The following DDX23 variants were observed in gnomAD, a reference collection of about 807,000 sequenced individuals.
The protein encoded by DDX23 is probable ATP-dependent RNA helicase DDX23.
In DDX23, 33 loss-of-function variants were observed where a neutral mutation model predicts 102.7. That is an observed-to-expected ratio of 0.32 (90% CI 0.24 to 0.43). The LOEUF (loss-of-function observed/expected upper bound fraction) is 0.43, where lower values mean the gene tolerates loss of function less well. DDX23 is among the 20% of genes least tolerant of loss of function. The pLI, the probability that DDX23 is intolerant of heterozygous loss-of-function variation, is 1.00. For synonymous variants in DDX23, 352 were observed against 376.0 expected (o/e 0.94, Z 0.74); for missense variants, 549 against 1,086.6 (o/e 0.51, Z 6.96).
intron 3 of DDX23, among the ~76,000 whole-genome samples, chr12:48,841,386 CAAAA>C (rs1263386759): frequency 2.0e-5 from 3 of 152,074 alleles, no homozygotes; most frequent in Non-Finnish European, 2.9e-5. Context: ...AACTCCATCT[CAAAA>C]AAACCCCCAA....
rs576542727 is a variant in DDX23, at chr12:48,833,442, C to A, written c.1638G>T (p.Val546=). 2 of 1,614,214 alleles carry A rather than the reference C, an allele frequency of 1.2e-6. No individual in the cohort carries two copies. Among genetic ancestry groups the A allele is most frequent in the Admixed American group, 3.3e-5 (2 of 60,014 alleles). The change falls in exon 13 of 17, where the codon GTG becomes GTT. Residue 546 remains valine (V), a synonymous_variant. Coordinates refer to ENST00000308025, the MANE Select transcript of DDX23 (RefSeq NM_004818.3). ...RYLVLSRCTY[V]VLDEADRMID... is the part of the protein sequence containing the mutation. ...TCATCCTATCTGCCTCATCCAGAACCACATAGGTACAGCGGCTCAGCACCA... is the reference window on the plus strand; with the variant it reads ...TCATCCTATCTGCCTCATCCAGAACAACATAGGTACAGCGGCTCAGCACCA...
At chr12:48,847,828 A>G (rs1238668645) in intron 1 of DDX23, among the ~76,000 whole-genome samples, 1 of 152,130 alleles carries the variant, frequency 6.6e-6, no homozygotes, top group Non-Finnish European at 1.5e-5. Flanking sequence ...ACCAAAAAAT[A>G]AAAAATAAAA....
At position 48,833,324 on chromosome 12, in the gene DDX23, C is replaced by T. The variant is rs779787691; in HGVS notation, c.1756G>A (p.Glu586Lys). 3 of 1,614,184 alleles carry T rather than the reference C, an allele frequency of 1.9e-6. No homozygotes were observed. Among genetic ancestry groups the T allele is most frequent in the Non-Finnish European group, 1.7e-6 (2 of 1,180,036 alleles). ...KPDTDEAEDP[E>K]KMLANFESGK... ...GACTCAAAGTTGGCCAGCATCTTCT[C>T]AGGGTCCTCAGCCTCATCCGTGTCT... Residue 586 changes from glutamate to lysine, a missense_variant, in exon 13 of 17, where the codon GAG becomes AAG. Glu to Lys is a moderately conservative substitution (Grantham distance 56). Coordinates refer to ENST00000308025, the MANE Select transcript of DDX23 (RefSeq NM_004818.3).
chr12:48,834,486 G>A lies in DDX23; in HGVS notation c.1394C>T (p.Ser465Leu). ...TLPKIDRIEE[S>L]DQGPYAIILA... is the part of the protein sequence containing the mutation. ...GATGATGGCATAAGGGCCTTGGTCT[G>A]ACTCTTCGATCCTGTGGTAAACAGG... is the stretch of plus-strand genomic sequence containing the variant. Residue 465 changes from serine (S) to leucine (L), a missense_variant, in exon 12 of 17, where the codon TCA becomes TTA. By Grantham distance (145) the Ser-to-Leu change is moderately radical. Around this residue, in one of 4 missense-constraint regions of DDX23, gnomAD observed 270 missense variants for 707.0 expected, o/e 0.38. Transcript: ENST00000308025. 2 of 1,613,612 alleles carry A rather than the reference G, an allele frequency of 1.2e-6. No homozygotes were observed. The highest frequency in any genetic ancestry group is 1.7e-6 in the Non-Finnish European group (2 of 1,179,796).
chr12:48,836,814 G>T lies in DDX23; in HGVS notation c.1011-20C>A. 1 of 1,613,358 alleles carries T rather than the reference G, an allele frequency of 6.2e-7. No homozygotes were observed. Among genetic ancestry groups the T allele is most frequent in the Non-Finnish European group, 8.5e-7 (1 of 1,179,356 alleles). Reference sequence around the variant, plus strand: ...CTTGCCCTGGAGCAGGGTGTGAGGAGTAAGTAGAATCAGTGCCCTCCAACT... The same window carrying T: ...CTTGCCCTGGAGCAGGGTGTGAGGATTAAGTAGAATCAGTGCCCTCCAACT... On this transcript the variant is annotated intron_variant, in intron 9 of 16. Coordinates refer to ENST00000308025, the MANE Select transcript of DDX23 (RefSeq NM_004818.3). The surrounding 1 kb of genome is among the most constrained non-coding windows in gnomAD (Gnocchi z 6.1).
At chr12:48,833,190 G>A (rs1938417338) in intron 13 of DDX23, 87 bp downstream of exon 13, 2 of 1,571,226 alleles carry the variant, frequency 1.3e-6, no homozygotes, top group African/African-American at 2.7e-5. Context: ...TCGCCATGTT[G>A]CCCAGGCTGG....
chr12:48,849,634 G>A (rs1316953236), intron 1 of DDX23, among the ~76,000 whole-genome samples: 1 of 151,372 alleles, frequency 6.6e-6, no homozygotes, highest in Non-Finnish European at 1.5e-5. Flanking sequence ...ACTAGCCTGG[G>A]TGACAGAGCA....
At chr12:48,847,979 A>G (rs919454604) in intron 1 of DDX23, among the ~76,000 whole-genome samples, 1 of 152,168 alleles carries the variant, frequency 6.6e-6, no homozygotes, top group Admixed American at 6.5e-5. Flanking sequence ...AACGGAGACA[A>G]AGCAGTAAAG....
At chr12:48,838,227 T>C (rs1028071970) in intron 5 of DDX23, 147 bp from the exon 6 acceptor site, 14 of 1,165,808 alleles carry the variant, frequency 1.2e-5, no homozygotes, top group Middle Eastern at 2.1e-4. Context: ...GACTCGGTTA[T>C]GGACTGAACT....
Position 48,836,156 on chromosome 12 carries a change from C to A in DDX23, c.1347G>T (p.Leu449=), listed in dbSNP as rs1301716420. 1 of 1,613,310 alleles carries A rather than the reference C, an allele frequency of 6.2e-7. No homozygotes were observed. Among genetic ancestry groups the A allele is most frequent in the African/African-American group, 1.3e-5 (1 of 74,914 alleles). ...TGGGAAGTGTGGTGATCCAGACCAG[C>A]AGAGGGATGAGGAAGGCTGCTGTCT... ...SGKTAAFLIP[L]LVWITTLPKI... is the part of the protein sequence containing the mutation. Residue 449 remains leucine, a synonymous_variant, in exon 11 of 17, where the codon CTG becomes CTT. Transcript: ENST00000308025. The surrounding 1 kb of genome is among the most constrained non-coding windows in gnomAD (Gnocchi z 6.1).
intron 15 of DDX23, among the ~76,000 whole-genome samples, chr12:48,831,618 G>A (rs1246789379): frequency 6.6e-6 from 1 of 152,090 alleles, no homozygotes; most frequent in Non-Finnish European, 1.5e-5. Flanking sequence ...GCGAGATCAG[G>A]GTAGAAAGCA....
At chr12:48,843,863 TAAG>T in intron 3 of DDX23, 74 bp downstream of exon 3, 1 of 1,513,474 alleles carries the variant, frequency 6.6e-7, no homozygotes. Context: ...TCTACTTTCA[TAAG>T]AAGCTGAGCA....
rs145974594 is a variant in DDX23, at chr12:48,830,845, C to T, written c.2240-153G>A. Among the ~76,000 whole-genome samples the T allele has an allele frequency of 9.2e-5, 14 of 152,292 alleles. No individual in the cohort carries two copies. The East Asian group carries it at 2.5e-3, about 27-fold the overall frequency. On this transcript the variant is annotated intron_variant, in intron 16 of 16. Coordinates refer to ENST00000308025, the MANE Select transcript of DDX23 (RefSeq NM_004818.3). This position sits in a 1 kb window ranked among gnomAD's most constrained non-coding sequence, Gnocchi z 4.9. Reference sequence around the variant, plus strand: ...GAACCTGAGGCGCCCACAGTGCCCTCTCCAGGTGCCCATCTCCCCTGTCCT... The same window carrying T: ...GAACCTGAGGCGCCCACAGTGCCCTTTCCAGGTGCCCATCTCCCCTGTCCT...
intron 15 of DDX23, 144 bp from the exon 16 acceptor site, chr12:48,831,460 G>A: frequency 1.3e-6 from 1 of 798,234 alleles, no homozygotes; most frequent in Non-Finnish European, 2.1e-6. Context: ...AATGATTGCA[G>A]TGAAAGAAGG....
intron 1 of DDX23, among the ~76,000 whole-genome samples, chr12:48,849,716 G>A (rs964362806): frequency 6.6e-6 from 1 of 151,980 alleles, no homozygotes; most frequent in Admixed American, 6.6e-5. Context: ...TGTAATCCTA[G>A]CACTTTGGGA....
Position 48,834,467 on chromosome 12 carries a change from G to A in DDX23, c.1413C>T (p.Ala471=). ...ACTCACGGGTGGGAGCCAGGATGAT[G>A]GCATAAGGGCCTTGGTCTGACTCTT... is the stretch of plus-strand genomic sequence containing the variant. The part of the protein sequence containing the change: ...RIEESDQGPY[A]IILAPTRELA... The change falls in exon 12 of 17, where the codon GCC becomes GCT. Residue 471 remains alanine (A), a synonymous_variant. Transcript: ENST00000308025. 6.2e-7 allele frequency: 1 copy of A among 1,614,134 alleles called. No homozygotes were observed. The highest frequency in any genetic ancestry group is 8.5e-7 in the Non-Finnish European group (1 of 1,180,028).
At chr12:48,831,685 C>G in intron 15 of DDX23, 1 of 426,670 alleles carries the variant, frequency 2.3e-6, no homozygotes, top group Non-Finnish European at 4.3e-6. Context: ...CACCCCTCCC[C>G]TCAAGCACCA....
Position 48,846,148 on chromosome 12 carries a change from A to G in DDX23, c.1-366T>C, listed in dbSNP as rs1465959952. 9.1e-5 allele frequency among the ~76,000 whole-genome samples: 13 copies of G among 143,472 alleles called. No homozygotes were observed. The East Asian group carries it at 2.8e-3, about 31-fold the overall frequency. 94.1% of individuals were successfully genotyped at this position (143,472 alleles called of 152,430 possible). The stretch of plus-strand genomic sequence containing the variant: ...CTTGCCTAGCTAATTTATTTTTTTT[A>G]TAGACAGGGTCTCACTATGCTGCCC... On this transcript the variant is annotated intron_variant, in intron 1 of 16. Transcript: ENST00000308025.
At chr12:48,838,980 A>G (rs1448512841) in intron 5 of DDX23, among the ~76,000 whole-genome samples, 1 of 152,112 alleles carries the variant, frequency 6.6e-6, no homozygotes, top group Non-Finnish European at 1.5e-5. Context: ...GGCTCAAGCA[A>G]TATCCTTGCC....
Sources: allele counts gnomAD v4.1 joint callset (sites outside exome capture counted in the v4.1 genomes callset), GRCh38; gene constraint gnomAD v4.1.1; regional missense constraint gnomAD v4.1.1; non-coding constraint Gnocchi (gnomAD v3.1); transcripts MANE v1.5; gene names NCBI Gene and HGNC (gene_info 2026-07-23, HGNC 2026-07-21).